RYR2: variants seen among roughly 807,000 people sequenced by gnomAD.
RYR2 encodes the protein ryanodine receptor 2, also known as cardiac muscle ryanodine receptor-calcium release channel.
RYR2 carries 227 observed loss-of-function variants against 601.1 expected under a neutral mutation model. The observed-to-expected ratio is 0.38, with a 90% CI of 0.34 to 0.42. RYR2 has a LOEUF of 0.42. Ranked by LOEUF, RYR2 falls within the 10% of genes least tolerant of loss-of-function variation. RYR2 has a pLI of 1.00. For synonymous variants in RYR2, 2,223 were observed against 2,175.1 expected (o/e 1.02, Z -0.61); for missense variants, 4,646 against 6,156.5 (o/e 0.75, Z 8.21).
At chr1:237,800,689 A>T (rs1288911861) in intron 97 of RYR2, among the ~76,000 whole-genome samples, 1 of 152,254 alleles carries the variant, frequency 6.6e-6, no homozygotes, top group Admixed American at 6.5e-5. Context: ...AGGCTGGGAA[A>T]GTTACAATTT....
chr1:237,611,948 A>G (rs1677917634), intron 36 of RYR2, among the ~76,000 whole-genome samples: 1 of 152,204 alleles, frequency 6.6e-6, no homozygotes, highest in African/African-American at 2.4e-5. Context: ...AAATTAAAAT[A>G]TGTCCACACA....
At position 237,680,500 on chromosome 1, in the gene RYR2, A is replaced by G; in HGVS notation, c.8940A>G (p.Leu2980=). 6.2e-7 allele frequency: 1 copy of G among 1,605,940 alleles called. No homozygotes were observed. Among genetic ancestry groups the G allele is most frequent in the Non-Finnish European group, 8.5e-7 (1 of 1,173,346 alleles). The change falls in exon 62 of 105, where the codon TTA becomes TTG. Residue 2980 remains leucine, a synonymous_variant. Transcript: ENST00000366574. ...ATCAGTATTTCAAAAACCATCGTTT[A>G]TACTTCTTATCTGCAGCAAGCAGAC... is the stretch of plus-strand genomic sequence containing the variant. ...LIDQYFKNHR[L]YFLSAASRPL... is the part of the protein sequence containing the mutation.
At chr1:237,297,706 A>AT (rs2149442754) in intron 2 of RYR2, among the ~76,000 whole-genome samples, 1 of 151,826 alleles carries the variant, frequency 6.6e-6, no homozygotes, top group Non-Finnish European at 1.5e-5. Flanking sequence ...GCGTTCACAT[A>AT]TAAGTTCAGT....
intron 15 of RYR2, among the ~76,000 whole-genome samples, chr1:237,455,215 A>C (rs1311906454): frequency 6.6e-6 from 1 of 152,210 alleles, no homozygotes; most frequent in Non-Finnish European, 1.5e-5. Flanking sequence ...TAATATAGTC[A>C]GGAGCTTCGT....
intron 25 of RYR2, among the ~76,000 whole-genome samples, chr1:237,536,229 C>T (rs111554101): frequency 0.016 from 2,376 of 152,310 alleles, 26 homozygotes; most frequent in South Asian, 0.044. Context: ...TGTGCTTCTG[C>T]ACTTGATGTT....
chr1:237,682,259 T>C (rs1459644770), intron 62 of RYR2, among the ~76,000 whole-genome samples: 1 of 152,166 alleles, frequency 6.6e-6, no homozygotes, highest in Non-Finnish European at 1.5e-5. Flanking sequence ...CCCATTTACC[T>C]TGGCCAATTC....
intron 10 of RYR2, among the ~76,000 whole-genome samples, chr1:237,411,715 A>T (rs1704470398): frequency 6.6e-6 from 1 of 152,184 alleles, no homozygotes; most frequent in Non-Finnish European, 1.5e-5. Context: ...CAGAGAGGTC[A>T]ACAGCTTGCA....
chr1:237,538,585 A>C (rs1162998390), intron 25 of RYR2, among the ~76,000 whole-genome samples: 1 of 151,440 alleles, frequency 6.6e-6, no homozygotes, highest in Non-Finnish European at 1.5e-5. Context: ...CAGCCCGGCC[A>C]ACATGGTGAA....
intron 12 of RYR2, among the ~76,000 whole-genome samples, chr1:237,427,037 C>T (rs1411291066): frequency 1.3e-5 from 2 of 152,080 alleles, no homozygotes; most frequent in African/African-American, 4.8e-5. Context: ...GTAATGGAAG[C>T]ATAAATACTT....
At chr1:237,591,707 T>A in intron 31 of RYR2, 32 bp from the exon 32 acceptor site, 2 of 1,525,032 alleles carry the variant, frequency 1.3e-6, no homozygotes, top group Non-Finnish European at 9.0e-7. Flanking sequence ...CATTTTAATG[T>A]TGCTTATTGT....
intron 10 of RYR2, among the ~76,000 whole-genome samples, chr1:237,388,679 A>G (rs1702134694): frequency 6.6e-6 from 1 of 152,316 alleles, no homozygotes; most frequent in Non-Finnish European, 1.5e-5. Flanking sequence ...ATGTTAATTT[A>G]TTTGGCACTG....
At chr1:237,382,331 ATTTC>A (rs962259497) in intron 8 of RYR2, among the ~76,000 whole-genome samples, 5 of 152,060 alleles carry the variant, frequency 3.3e-5, no homozygotes, top group African/African-American at 1.2e-4. Context: ...AGTTCAAAAA[ATTTC>A]TTTCTTTCTT....
rs552590982 is a variant in RYR2, at chr1:237,314,755, G to A, written c.169-16123G>A. ...TCCTCACTTGTCTTTGTGTCCTAGT[G>A]CTCTGTCTTAAAGATATTTAATTTG... On this transcript the variant is annotated intron_variant, in intron 2 of 104. Coordinates refer to ENST00000366574, the MANE Select transcript of RYR2 (RefSeq NM_001035.3). 3.9e-5 allele frequency among the ~76,000 whole-genome samples: 6 copies of A among 152,236 alleles called. No homozygotes were observed. The East Asian group carries it at 1.2e-3, about 29-fold the overall frequency.
At chr1:237,669,617 C>CA in intron 58 of RYR2, among the ~76,000 whole-genome samples, 1 of 150,172 alleles carries the variant, frequency 6.7e-6, no homozygotes, top group African/African-American at 2.5e-5. Context: ...TCAGACGGGG[C>CA]GGCCGGGCAG....
At chr1:237,798,202 T>C (rs1659505423) in intron 97 of RYR2, 32 bp downstream of exon 97, 1 of 1,581,820 alleles carries the variant, frequency 6.3e-7, no homozygotes, top group Admixed American at 1.9e-5. Flanking sequence ...TCCTACAGAC[T>C]TAGATTGAAA....
At chr1:237,131,719 CAAATCT>C (rs1480132230) in intron 1 of RYR2, among the ~76,000 whole-genome samples, 1 of 151,922 alleles carries the variant, frequency 6.6e-6, no homozygotes, top group Non-Finnish European at 1.5e-5. Flanking sequence ...TCCCTGCTTT[CAAATCT>C]GCATTTTTTT....
chr1:237,491,082 T>A (rs114868052), intron 17 of RYR2, among the ~76,000 whole-genome samples: 1,675 of 152,274 alleles, frequency 0.011, 35 homozygotes, highest in African/African-American at 0.039. Flanking sequence ...TTTCTGATAA[T>A]GAAATTTATT....
At chr1:237,125,778 G>C (rs1346345359) in intron 1 of RYR2, among the ~76,000 whole-genome samples, 2 of 152,164 alleles carry the variant, frequency 1.3e-5, no homozygotes, top group Non-Finnish European at 2.9e-5. Flanking sequence ...TTAAGCATGG[G>C]CAGGAAGAGA....
chr1:237,719,938 T>A (rs1689580794), intron 73 of RYR2, among the ~76,000 whole-genome samples: 1 of 152,186 alleles, frequency 6.6e-6, no homozygotes, highest in South Asian at 2.1e-4. Context: ...ATATCGAGAT[T>A]TGCAGCAATA....
Sources: allele counts gnomAD v4.1 joint callset (sites outside exome capture counted in the v4.1 genomes callset), GRCh38; gene constraint gnomAD v4.1.1; transcripts MANE v1.5; gene names NCBI Gene and HGNC (gene_info 2026-07-23, HGNC 2026-07-21).